PTPRF: variants seen among roughly 807,000 people sequenced by gnomAD.
The protein encoded by PTPRF is receptor-type tyrosine-protein phosphatase F.
PTPRF carries 59 observed loss-of-function variants against 201.8 expected under a neutral mutation model. The observed-to-expected ratio is 0.29, with a 90% CI of 0.24 to 0.36. PTPRF has a LOEUF of 0.36. Among genes scored for constraint, PTPRF ranks in the 10% least tolerant of loss-of-function variants. The pLI, the probability that PTPRF is intolerant of heterozygous loss-of-function variation, is 1.00. For missense variants in PTPRF, 2,132 were observed against 2,690.5 expected (o/e 0.79, Z 4.59); for synonymous variants, 1,088 against 1,089.7 (o/e 1.00, Z 0.03).
chr1:43,529,494 C>T (rs1643270796), upstream of PTPRF, among the ~76,000 whole-genome samples: 1 of 152,230 alleles, frequency 6.6e-6, no homozygotes, highest in African/African-American at 2.4e-5. Flanking sequence ...TGACTCCAAA[C>T]TTACAGGGTT....
At chr1:43,557,071 C>A (rs1431235527) in intron 5 of PTPRF, among the ~76,000 whole-genome samples, 3 of 152,206 alleles carry the variant, frequency 2.0e-5, no homozygotes, top group Admixed American at 2.0e-4. Context: ...TGGCAGCTGT[C>A]CTAGCAGGGA....
intron 6 of PTPRF, among the ~76,000 whole-genome samples, chr1:43,577,972 C>A (rs531049064): frequency 6.6e-6 from 1 of 152,172 alleles, no homozygotes; most frequent in Non-Finnish European, 1.5e-5. Context: ...GATCCACCCC[C>A]ACCTTGCCGC....
At chr1:43,610,429 A>T (rs1348569712) in intron 22 of PTPRF, among the ~76,000 whole-genome samples, 1 of 152,258 alleles carries the variant, frequency 6.6e-6, no homozygotes, top group Non-Finnish European at 1.5e-5. Flanking sequence ...TGAGGCAGGA[A>T]TTCAGACAGG....
intron 5 of PTPRF, among the ~76,000 whole-genome samples, chr1:43,559,123 GTGTGGGTGCCC>G (rs1645607478): frequency 6.6e-6 from 1 of 152,236 alleles, no homozygotes; most frequent in African/African-American, 2.4e-5. Flanking sequence ...TGTTCGTGTG[GTGTGGGTGCCC>G]TGTGTGCCAT....
chr1:43,554,611 G>A lies in PTPRF; in HGVS notation c.379+670G>A, dbSNP rs1231754521. On this transcript the variant is annotated intron_variant, in intron 5 of 33. Coordinates refer to ENST00000359947, the MANE Select transcript of PTPRF (RefSeq NM_002840.5). The surrounding 1 kb of genome is among the most constrained non-coding windows in gnomAD (Gnocchi z 4.1). The stretch of plus-strand genomic sequence containing the variant: ...ATTTGGGTTTTCTGGAGGGCAGAGG[G>A]GGAGCTAGAGAGCACAGGAAGAAGG... Among the ~76,000 whole-genome samples the A allele has an allele frequency of 6.6e-6, 1 of 152,048 alleles. No homozygotes were observed. Among genetic ancestry groups the A allele is most frequent in the Non-Finnish European group, 1.5e-5 (1 of 68,024 alleles).
intron 29 of PTPRF, 54 bp from the exon 30 acceptor site, chr1:43,620,041 G>A (rs1001858826): frequency 1.2e-6 from 2 of 1,609,586 alleles, no homozygotes; most frequent in Middle Eastern, 1.7e-4. Context: ...AGCCTAAGGG[G>A]AGACTCTAGG....
intron 7 of PTPRF, among the ~76,000 whole-genome samples, chr1:43,586,135 G>C (rs1423148591): frequency 6.6e-6 from 1 of 152,222 alleles, no homozygotes; most frequent in African/African-American, 2.4e-5. Flanking sequence ...TCCCTTGACT[G>C]TAATTGGCAG....
At chr1:43,533,340 T>G (rs1397156946) in intron 1 of PTPRF, among the ~76,000 whole-genome samples, 1 of 152,174 alleles carries the variant, frequency 6.6e-6, no homozygotes, top group African/African-American at 2.4e-5. Flanking sequence ...AGAGTTAGAC[T>G]GCAGCAAACG....
rs376339095 is a variant in PTPRF, at chr1:43,606,998, G to A, written c.3857+30G>A. The stretch of plus-strand genomic sequence containing the variant: ...GCACTGCCCTCAGAGCTCCGGGAAC[G>A]GCCACCTGCCCCTCGCCTTTCAGGC... On this transcript the variant is annotated intron_variant, in intron 21 of 33. Transcript: ENST00000359947. 233 of 1,609,064 alleles carry A rather than the reference G, an allele frequency of 1.4e-4. No individual in the cohort carries two copies. In the South Asian group the frequency reaches 2.2e-3, roughly 15 times the overall value.
At chr1:43,543,327 C>T (rs138338896) in intron 2 of PTPRF, among the ~76,000 whole-genome samples, 71 of 152,338 alleles carry the variant, frequency 4.7e-4, no homozygotes, top group African/African-American at 1.5e-3. Context: ...GCCTTGCAGG[C>T]GTCATTGTGG....
At chr1:43,525,633 C>T (rs574676728), upstream of PTPRF, among the ~76,000 whole-genome samples, 5 of 151,708 alleles carry the variant, frequency 3.3e-5, no homozygotes, top group South Asian at 8.4e-4. Context: ...GGTGAAACCC[C>T]GTCTCTACTA....
chr1:43,613,481 G>A (rs1656986730), intron 22 of PTPRF, 137 bp from the exon 23 acceptor site: 2 of 741,476 alleles, frequency 2.7e-6, no homozygotes, highest in Non-Finnish European at 4.9e-6. Flanking sequence ...CGCATGTGCT[G>A]CTGTCTCCAT....
rs530850505 is a variant in PTPRF, at chr1:43,600,243, C to A, written c.2313+1330C>A. Among the ~76,000 whole-genome samples the A allele has an allele frequency of 2.0e-5, 3 of 152,240 alleles. No individual in the cohort carries two copies. In the South Asian group the frequency reaches 6.2e-4, roughly 32 times the overall value. On this transcript the variant is annotated intron_variant, in intron 13 of 33. Transcript: ENST00000359947. ...CAGAAACATCCCAGGAATGGGTTCC[C>A]CTAGCCCCTCCTCTCTGAGGGGGCC...
rs199869713 is a variant in PTPRF at position 43,597,407 on chromosome 1, CCT to C, written c.1814-340_1814-339del. Among the ~76,000 whole-genome samples, 39 of 151,908 alleles carry C rather than the reference CCT, an allele frequency of 2.6e-4. No homozygotes were observed. The East Asian group carries it at 7.6e-3, about 29-fold the overall frequency. On this transcript the variant is annotated intron_variant, in intron 11 of 33. Coordinates refer to ENST00000359947, the MANE Select transcript of PTPRF (RefSeq NM_002840.5). Reference sequence around the variant, plus strand: ...CCAAGACAGTATATGTATGAGACACCCTGTGTGTGTGACACAGCGTGTGACTG... The same window carrying C: ...CCAAGACAGTATATGTATGAGACACCGTGTGTGTGACACAGCGTGTGACTG...
At chr1:43,535,542 A>C (rs1223401334) in intron 1 of PTPRF, among the ~76,000 whole-genome samples, 1 of 152,132 alleles carries the variant, frequency 6.6e-6, no homozygotes, top group Non-Finnish European at 1.5e-5. Context: ...TGGTGCAGCC[A>C]CAGGGGCATT....
intron 21 of PTPRF, 85 bp downstream of exon 21, chr1:43,607,053 G>T: frequency 6.5e-7 from 1 of 1,531,628 alleles, no homozygotes; most frequent in Non-Finnish European, 8.9e-7. Context: ...TGTGGAGAGC[G>T]TGCAGCCTTG....
At position 43,613,612 on chromosome 1, in the gene PTPRF, C is replaced by T; in HGVS notation, c.3974-6C>T. ...ATGCTGCCTGTGTATGCCCTACCTC[C>T]CCTAGGTATGCGAGACCACCCACCC... On this transcript the variant is annotated splice_polypyrimidine_tract_variant and splice_region_variant and intron_variant, in intron 22 of 33. Transcript: ENST00000359947. The T allele has an allele frequency of 6.2e-7, 1 of 1,612,710 alleles. No individual in the cohort carries two copies. Among genetic ancestry groups the T allele is most frequent in the African/African-American group, 1.3e-5 (1 of 75,028 alleles).
Position 43,603,399 on chromosome 1 carries a change from C to A in PTPRF, c.2341-17C>A, listed in dbSNP as rs760917924. 6.2e-7 allele frequency: 1 copy of A among 1,607,926 alleles called. No homozygotes were observed. Among genetic ancestry groups the A allele is most frequent in the East Asian group, 2.2e-5 (1 of 44,830 alleles). On this transcript the variant is annotated splice_polypyrimidine_tract_variant and intron_variant, in intron 14 of 33. Transcript: ENST00000359947. This position sits in a 1 kb window ranked among gnomAD's most constrained non-coding sequence, Gnocchi z 5.8. ...CTGCATTCTTGTGATGGGAACGAACCCCTCCTCCTCCCTCAGGAAACCACT... is the reference window on the plus strand; with the variant it reads ...CTGCATTCTTGTGATGGGAACGAACACCTCCTCCTCCCTCAGGAAACCACT...
upstream of PTPRF, among the ~76,000 whole-genome samples, chr1:43,527,482 AG>A (rs1320655649): frequency 1.3e-5 from 2 of 152,214 alleles, no homozygotes; most frequent in African/African-American, 4.8e-5. Flanking sequence ...GTACATGCAG[AG>A]ATCTGGGCAG....
Sources: gnomAD v4.1 joint callset for allele counts (sites outside exome capture counted in the v4.1 genomes callset) on GRCh38, gnomAD v4.1.1 for gene constraint, Gnocchi (gnomAD v3.1) non-coding constraint, MANE v1.5 for transcripts, NCBI Gene and HGNC (gene_info 2026-07-23, HGNC 2026-07-21) for gene names.